Variants in CTNND2 observed in about 807,000 individuals in gnomAD.
The protein encoded by CTNND2 is catenin delta 2, also known as catenin delta-2.
CTNND2 carries 22 observed loss-of-function variants against 144.4 expected under a neutral mutation model. That is an observed-to-expected ratio of 0.15 (90% CI 0.11 to 0.22). The LOEUF (loss-of-function observed/expected upper bound fraction) is 0.22, where lower values mean the gene tolerates loss of function less well. Among genes scored for constraint, CTNND2 ranks in the 10% least tolerant of loss-of-function variants. The pLI is 1.00. For synonymous variants in CTNND2, 751 were observed against 695.6 expected, an observed-to-expected ratio of 1.08 and a Z score of -1.25; for missense variants, 1,353 against 1,618.8, an observed-to-expected ratio of 0.84 and a Z score of 2.82.
chr5:11,153,100 C>G (rs570833852), intron 12 of CTNND2, among the ~76,000 whole-genome samples: 11 of 152,036 alleles, frequency 7.2e-5, no homozygotes, highest in Non-Finnish European at 1.5e-4. Flanking sequence ...CCCATCTCTA[C>G]TAAAAATACA....
Position 11,518,030 on chromosome 5 carries a change from C to T in CTNND2, c.287+46914G>A, listed in dbSNP as rs1250261493. Among the ~76,000 whole-genome samples the T allele has an allele frequency of 3.3e-5, 5 of 152,030 alleles. No homozygotes were observed. The South Asian group carries it at 1.0e-3, about 32-fold the overall frequency. Reference sequence around the variant, plus strand: ...GTTACCGGGCATTGGTGGAACGGGGCAATGGGGTGATGTTGCCAAAGGGCA... The same window carrying T: ...GTTACCGGGCATTGGTGGAACGGGGTAATGGGGTGATGTTGCCAAAGGGCA... On this transcript the variant is annotated intron_variant, in intron 3 of 21. Coordinates refer to ENST00000304623, the MANE Select transcript of CTNND2 (RefSeq NM_001332.4).
intron 12 of CTNND2, among the ~76,000 whole-genome samples, chr5:11,146,636 C>A (rs201534774): frequency 6.6e-6 from 1 of 152,158 alleles, no homozygotes; most frequent in African/African-American, 2.4e-5. Context: ...CTTAACGGTG[C>A]TGATAAGCAC....
intron 3 of CTNND2, among the ~76,000 whole-genome samples, chr5:11,563,986 AC>A (rs1322209594): frequency 6.6e-6 from 1 of 152,150 alleles, no homozygotes; most frequent in African/African-American, 2.4e-5. Context: ...AGGTCATGTG[AC>A]TGAAATTCAC....
At chr5:11,520,013 G>C (rs184600497) in intron 3 of CTNND2, among the ~76,000 whole-genome samples, 9 of 151,402 alleles carry the variant, frequency 5.9e-5, no homozygotes, top group African/African-American at 1.5e-4. Flanking sequence ...TGGGCGTGGT[G>C]GTGGGTGCCT....
intron 7 of CTNND2, among the ~76,000 whole-genome samples, chr5:11,373,495 T>G (rs150579630): frequency 6.6e-6 from 1 of 152,140 alleles, no homozygotes; most frequent in African/African-American, 2.4e-5. Flanking sequence ...AATACCCACA[T>G]AGGTAAGGAT....
At position 11,487,797 on chromosome 5, in the gene CTNND2, A is replaced by C. The variant is rs1263955471; in HGVS notation, c.288-75728T>G. ...TTGCCTCTCTTTCCAACTCCATGCG[A>C]CCTCATGTTGGTAGCTTGAAATTGA... On this transcript the variant is annotated intron_variant, in intron 3 of 21. Transcript: ENST00000304623. Among the ~76,000 whole-genome samples the C allele has an allele frequency of 3.3e-5, 5 of 152,214 alleles. No individual in the cohort carries two copies. The South Asian group carries it at 8.3e-4, about 25-fold the overall frequency.
At chr5:11,165,362 A>C (rs961326469) in intron 11 of CTNND2, among the ~76,000 whole-genome samples, 1 of 152,196 alleles carries the variant, frequency 6.6e-6, no homozygotes, top group African/African-American at 2.4e-5. Context: ...CTAAAATTTC[A>C]ATCTGAGGAA....
intron 1 of CTNND2, among the ~76,000 whole-genome samples, chr5:11,846,845 AT>A (rs1360889481): frequency 2.0e-5 from 3 of 151,938 alleles, no homozygotes; most frequent in Non-Finnish European, 4.4e-5. Context: ...TCCAAAAAAA[AT>A]CAACATCACT....
At chr5:11,350,266 C>G (rs1384909719) in intron 8 of CTNND2, among the ~76,000 whole-genome samples, 1 of 152,072 alleles carries the variant, frequency 6.6e-6, no homozygotes, top group Non-Finnish European at 1.5e-5. Flanking sequence ...AACTAATTTA[C>G]ACAATTTCTC....
At chr5:11,851,461 G>A (rs1032755490) in intron 1 of CTNND2, among the ~76,000 whole-genome samples, 1 of 152,166 alleles carries the variant, frequency 6.6e-6, no homozygotes, top group Non-Finnish European at 1.5e-5. Context: ...TTATTTCCTA[G>A]AGGAATTTGC....
chr5:11,747,519 C>T (rs1376116435), intron 1 of CTNND2, among the ~76,000 whole-genome samples: 2 of 152,172 alleles, frequency 1.3e-5, no homozygotes, highest in Non-Finnish European at 2.9e-5. Flanking sequence ...GTTCCTCTCA[C>T]ACAGCTCCTG....
chr5:11,685,942 T>C (rs1784628318), intron 2 of CTNND2, among the ~76,000 whole-genome samples: 1 of 152,230 alleles, frequency 6.6e-6, no homozygotes, highest in African/African-American at 2.4e-5. Flanking sequence ...CAGTGGCTTA[T>C]GCCAGTAATC....
At chr5:11,182,037 GGTGTGTGTGGGGT>G (rs1254149905) in intron 11 of CTNND2, among the ~76,000 whole-genome samples, 1 of 135,058 alleles carries the variant, frequency 7.4e-6, no homozygotes, top group Non-Finnish European at 1.6e-5. Flanking sequence ...ATGTATGTGT[GGTGTGTGTGGGGT>G]GTGTGTGGGG....
intron 18 of CTNND2, among the ~76,000 whole-genome samples, chr5:10,994,515 G>A (rs1479265625): frequency 2.6e-5 from 4 of 151,430 alleles, no homozygotes; most frequent in Admixed American, 2.6e-4. Flanking sequence ...AAGTAGGGGT[G>A]AGGATGCTGG....
In CTNND2 at chr5:11,037,761, T is replaced by A. The variant is rs573258336; in HGVS notation, c.2789-14782A>T. Among the ~76,000 whole-genome samples, 10 of 152,324 alleles carry A rather than the reference T, an allele frequency of 6.6e-5. No homozygotes were observed. The South Asian group carries it at 1.7e-3, about 25-fold the overall frequency. On this transcript the variant is annotated intron_variant, in intron 16 of 21. Transcript: ENST00000304623. ...ACATTCCTTAAATGGTATCTTCTAA[T>A]TAATCCTTCAAAACTCATTTTTAAA...
At chr5:11,443,886 A>G (rs939704060) in intron 3 of CTNND2, among the ~76,000 whole-genome samples, 3 of 152,194 alleles carry the variant, frequency 2.0e-5, no homozygotes, top group Non-Finnish European at 4.4e-5. Context: ...AAAACTAAGC[A>G]TTGGATAATA....
intron 2 of CTNND2, among the ~76,000 whole-genome samples, chr5:11,592,317 G>T (rs1779298190): frequency 6.7e-6 from 1 of 149,586 alleles, no homozygotes; most frequent in African/African-American, 2.5e-5. Context: ...CCTTCCTCCT[G>T]CCTTCCTTCC....
chr5:11,707,395 C>G (rs1024373820), intron 2 of CTNND2, among the ~76,000 whole-genome samples: 3 of 152,298 alleles, frequency 2.0e-5, no homozygotes, highest in Admixed American at 6.5e-5. Context: ...TGTCTCCATG[C>G]AGAGGCCGAA....
At chr5:11,524,856 C>T (rs1581408723) in intron 3 of CTNND2, among the ~76,000 whole-genome samples, 1 of 151,806 alleles carries the variant, frequency 6.6e-6, no homozygotes, top group South Asian at 2.1e-4. Flanking sequence ...GCAAAGGAAG[C>T]AAACCTTAAA....
Sources: gnomAD v4.1 joint callset for allele counts (sites outside exome capture counted in the v4.1 genomes callset) on GRCh38, gnomAD v4.1.1 for gene constraint, MANE v1.5 for transcripts, NCBI Gene and HGNC (gene_info 2026-07-23, HGNC 2026-07-21) for gene names.